The following CSMD1 variants were observed in gnomAD, a reference collection of about 807,000 sequenced individuals.
The protein encoded by CSMD1 is CUB and Sushi multiple domains 1.
Under a neutral mutation model 417.5 loss-of-function variants are expected in CSMD1, and 213 were observed. The observed-to-expected ratio is 0.51, with a 90% CI of 0.46 to 0.57. CSMD1 has a LOEUF of 0.57. Among genes scored for constraint, CSMD1 ranks in the 20% least tolerant of loss-of-function variants. The pLI is 0.00. For synonymous variants in CSMD1, 2,862 were observed against 1,736.8 expected, an observed-to-expected ratio of 1.65 and a Z score of -16.11; for missense variants, 6,923 against 4,529.7, an observed-to-expected ratio of 1.53 and a Z score of -15.17.
intron 12 of CSMD1, among the ~76,000 whole-genome samples, chr8:3,429,174 A>C (rs568881597): frequency 6.6e-6 from 1 of 152,138 alleles, no homozygotes; most frequent in Non-Finnish European, 1.5e-5. Flanking sequence ...AAATAGCTAG[A>C]AGAGAGGATT....
chr8:3,875,224 A>G (rs1805737783), intron 5 of CSMD1, among the ~76,000 whole-genome samples: 2 of 152,162 alleles, frequency 1.3e-5, no homozygotes, highest in South Asian at 2.1e-4. Context: ...AGCCACCACA[A>G]TGGTCCTCAT....
chr8:3,311,102 C>A (rs779361906), intron 23 of CSMD1, among the ~76,000 whole-genome samples: 1 of 151,998 alleles, frequency 6.6e-6, no homozygotes, highest in African/African-American at 2.4e-5. Flanking sequence ...ACCTAACTAA[C>A]TTTCCAAATG....
At chr8:3,879,839 G>A (rs1389338663) in intron 5 of CSMD1, among the ~76,000 whole-genome samples, 6 of 91,672 alleles carry the variant, frequency 6.5e-5, no homozygotes, top group African/African-American at 4.6e-4. Flanking sequence ...GCGTGTGCGT[G>A]TGTGTGTGTG....
At chr8:4,011,321 G>A (rs957372939) in intron 4 of CSMD1, among the ~76,000 whole-genome samples, 2 of 152,104 alleles carry the variant, frequency 1.3e-5, no homozygotes, top group Non-Finnish European at 2.9e-5. Context: ...ATATAACCGT[G>A]CTCCAATTGC....
chr8:4,706,754 G>C (rs888466808), intron 1 of CSMD1, among the ~76,000 whole-genome samples: 1 of 152,170 alleles, frequency 6.6e-6, no homozygotes, highest in Non-Finnish European at 1.5e-5. Flanking sequence ...TCAGAGAGAA[G>C]GGCTCTCACT....
At chr8:3,836,483 T>C (rs1021142117) in intron 5 of CSMD1, among the ~76,000 whole-genome samples, 5 of 152,254 alleles carry the variant, frequency 3.3e-5, no homozygotes, top group South Asian at 2.1e-4. Context: ...GTAGCAGAGA[T>C]TGTTGCTGTA....
chr8:3,236,239 A>T (rs1799147013), intron 26 of CSMD1, among the ~76,000 whole-genome samples: 1 of 152,112 alleles, frequency 6.6e-6, no homozygotes, highest in South Asian at 2.1e-4. Context: ...TTTCAATAAA[A>T]TAATTATATA....
At chr8:3,962,865 C>G (rs1443763066) in intron 5 of CSMD1, among the ~76,000 whole-genome samples, 2 of 152,164 alleles carry the variant, frequency 1.3e-5, no homozygotes, top group Non-Finnish European at 1.5e-5. Context: ...TTCTATTATT[C>G]AAGCTGTAAA....
At chr8:3,590,724 C>T (rs1444418623) in intron 8 of CSMD1, among the ~76,000 whole-genome samples, 1 of 152,108 alleles carries the variant, frequency 6.6e-6, no homozygotes, top group Non-Finnish European at 1.5e-5. Flanking sequence ...GCAAACAGAG[C>T]CAATGTGGGT....
rs566958833 is a variant in CSMD1, at chr8:4,722,014, T to A, written c.86-84456A>T. Among the ~76,000 whole-genome samples the A allele has an allele frequency of 2.0e-5, 3 of 152,162 alleles. No individual in the cohort carries two copies. In the South Asian group the frequency reaches 6.2e-4, roughly 31 times the overall value. ...AAGAACGATGGTTATTGGAGTGGGCTGGCATCGAATGAGGAGATGTCAGTC... is the reference window on the plus strand; with the variant it reads ...AAGAACGATGGTTATTGGAGTGGGCAGGCATCGAATGAGGAGATGTCAGTC... On this transcript the variant is annotated intron_variant, in intron 1 of 69. Coordinates refer to ENST00000635120, the MANE Select transcript of CSMD1 (RefSeq NM_033225.6).
intron 3 of CSMD1, among the ~76,000 whole-genome samples, chr8:4,201,866 G>A (rs1446349254): frequency 8.5e-6 from 1 of 118,310 alleles, no homozygotes; most frequent in Non-Finnish European, 1.7e-5. Flanking sequence ...TAACAGTGAT[G>A]ACCATTATAC....
intron 27 of CSMD1, among the ~76,000 whole-genome samples, chr8:3,225,433 G>T (rs1464829145): frequency 2.0e-5 from 3 of 149,894 alleles, no homozygotes; most frequent in Non-Finnish European, 4.4e-5. Context: ...AGAAGCAATT[G>T]TCCCAACAGC....
intron 8 of CSMD1, among the ~76,000 whole-genome samples, chr8:3,590,868 A>G (rs1800815294): frequency 3.9e-5 from 6 of 152,212 alleles, no homozygotes; most frequent in Admixed American, 3.9e-4. Context: ...TAACACATGA[A>G]TCAGTTCAAT....
intron 7 of CSMD1, among the ~76,000 whole-genome samples, chr8:3,703,445 TTC>T (rs1487130472): frequency 1.7e-5 from 1 of 59,852 alleles, no homozygotes; most frequent in Non-Finnish European, 3.9e-5. Context: ...TTTTCATTCA[TTC>T]ATTCATTCAT....
At chr8:3,335,849 G>A (rs1198720604) in intron 23 of CSMD1, among the ~76,000 whole-genome samples, 1 of 152,092 alleles carries the variant, frequency 6.6e-6, no homozygotes, top group Non-Finnish European at 1.5e-5. Context: ...GTGGAGACTG[G>A]GCTCAGAGAG....
At chr8:4,547,834 G>C (rs1797698764) in intron 2 of CSMD1, among the ~76,000 whole-genome samples, 1 of 152,186 alleles carries the variant, frequency 6.6e-6, no homozygotes, top group African/African-American at 2.4e-5. Context: ...AGAATGGTTA[G>C]GTTTTGTTGT....
At chr8:4,481,760 G>A (rs959118131) in intron 2 of CSMD1, among the ~76,000 whole-genome samples, 1 of 152,110 alleles carries the variant, frequency 6.6e-6, no homozygotes, top group African/African-American at 2.4e-5. Context: ...TAGATACTGT[G>A]CCTAGTATAT....
intron 7 of CSMD1, among the ~76,000 whole-genome samples, chr8:3,647,497 G>T (rs752032844): frequency 1.7e-4 from 26 of 152,276 alleles, no homozygotes; most frequent in Non-Finnish European, 3.2e-4. Flanking sequence ...ATAGCACAGA[G>T]AGAAGTATAT....
intron 3 of CSMD1, among the ~76,000 whole-genome samples, chr8:4,057,412 C>G (rs1007327461): frequency 6.6e-6 from 1 of 152,038 alleles, no homozygotes; most frequent in Non-Finnish European, 1.5e-5. Context: ...TGTTTGAGTT[C>G]ATTGTAGATT....
Sources: allele counts gnomAD v4.1 joint callset (sites outside exome capture counted in the v4.1 genomes callset), GRCh38; gene constraint gnomAD v4.1.1; transcripts MANE v1.5; gene names NCBI Gene and HGNC (gene_info 2026-07-23, HGNC 2026-07-21).